Variants in ICA1 observed in about 807,000 individuals in gnomAD.
The protein encoded by ICA1 is islet cell autoantigen 1, also known as 69 kDa islet cell autoantigen.
In ICA1, 40 loss-of-function variants were observed where a neutral mutation model predicts 71.0. The observed-to-expected ratio is 0.56, with a 90% CI of 0.44 to 0.73. The LOEUF (loss-of-function observed/expected upper bound fraction) is 0.73. Among genes scored for constraint, ICA1 ranks in the 30% least tolerant of loss-of-function variants. ICA1 has a pLI of 0.00. For synonymous variants in ICA1, 207 were observed against 209.5 expected, an observed-to-expected ratio of 0.99 and a Z score of 0.10; for missense variants, 578 against 576.5, an observed-to-expected ratio of 1.00 and a Z score of -0.03.
chr7:8,189,698 C>T (rs543168677), intron 6 of ICA1, among the ~76,000 whole-genome samples: 2 of 150,884 alleles, frequency 1.3e-5, no homozygotes, highest in African/African-American at 4.9e-5. Flanking sequence ...GCCTGCAGTC[C>T]GAGGGGCAGG....
chr7:8,136,271 G>T (rs551585848), intron 12 of ICA1, among the ~76,000 whole-genome samples: 1 of 152,240 alleles, frequency 6.6e-6, no homozygotes, highest in Admixed American at 6.5e-5. Flanking sequence ...CACAGGGAGT[G>T]AACCGGCCCC....
chr7:8,190,270 C>T (rs1272969070), intron 6 of ICA1, among the ~76,000 whole-genome samples: 1 of 151,884 alleles, frequency 6.6e-6, no homozygotes, highest in Non-Finnish European at 1.5e-5. Context: ...TCCTTACTCT[C>T]CGAGTGGGCT....
At chr7:8,207,564 G>T (rs1792029707) in intron 6 of ICA1, among the ~76,000 whole-genome samples, 1 of 152,170 alleles carries the variant, frequency 6.6e-6, no homozygotes, top group African/African-American at 2.4e-5. Context: ...TTTTAAAGCT[G>T]TTTTCTGTTT....
In ICA1 at chr7:8,210,601, A is replaced by AT. The variant is rs1479987264; in HGVS notation, c.579+7703_579+7704insA. Among the ~76,000 whole-genome samples, 1,042 of 151,888 alleles carry AT rather than the reference A, an allele frequency of 6.9e-3. 17 individuals carry two copies. Among genetic ancestry groups the AT allele is most frequent in the African/African-American group, 0.023 (968 of 41,340 alleles). On this transcript the variant is annotated intron_variant, in intron 6 of 13. Transcript: ENST00000402384. The stretch of plus-strand genomic sequence containing the variant: ...AAACGCAAAATTATGCTCAAAAGAC[A>AT]ATTTTTTTTTCAAAGACTCCATCCA...
In ICA1 at chr7:8,143,974, T is replaced by G; in HGVS notation, c.805-2A>C. On this transcript the variant is annotated splice_acceptor_variant, in intron 8 of 13. Transcript: ENST00000402384. LOFTEE classifies it high-confidence loss of function. ...TTTTTTCATAGGGTCTTGTAAGCTC[T>G]TGATCACGAGCCATAGAAAAATGAA... 2.0e-6 allele frequency: 3 copies of G among 1,480,454 alleles called. No homozygotes were observed. Among genetic ancestry groups the G allele is most frequent in the Non-Finnish European group, 2.8e-6 (3 of 1,061,604 alleles). 91.7% of individuals were successfully genotyped at this position (1,480,454 alleles called of 1,614,324 possible).
At chr7:8,128,905 T>C (rs1192871868) in intron 12 of ICA1, among the ~76,000 whole-genome samples, 1 of 152,192 alleles carries the variant, frequency 6.6e-6, no homozygotes, top group Non-Finnish European at 1.5e-5. Context: ...TAAAAACCCT[T>C]AGACCCCCTT....
At chr7:8,229,472 C>T (rs1799605929) in intron 3 of ICA1, among the ~76,000 whole-genome samples, 1 of 152,118 alleles carries the variant, frequency 6.6e-6, no homozygotes, top group Admixed American at 6.6e-5. Flanking sequence ...ACTTAGGGAC[C>T]AGATATGGTA....
At position 8,234,063 on chromosome 7, in the gene ICA1, T is replaced by C. The variant is rs1231241215; in HGVS notation, c.18-1308A>G. On this transcript the variant is annotated intron_variant, in intron 2 of 13. Coordinates refer to ENST00000402384, the MANE Select transcript of ICA1 (RefSeq NM_001136020.3). The surrounding 1 kb of genome is among the most constrained non-coding windows in gnomAD (Gnocchi z 4.5). Reference sequence around the variant, plus strand: ...CATAGTAAAACCCCATCTCTACAAATAATTAGTCAGGTGTGGTGGCACAGG... The same window carrying C: ...CATAGTAAAACCCCATCTCTACAAACAATTAGTCAGGTGTGGTGGCACAGG... 2.0e-5 allele frequency among the ~76,000 whole-genome samples: 3 copies of C among 151,882 alleles called. No individual in the cohort carries two copies. Among genetic ancestry groups the C allele is most frequent in the Non-Finnish European group, 4.4e-5 (3 of 67,928 alleles).
chr7:8,218,338 T>C lies in ICA1; in HGVS notation c.546A>G (p.Pro182=). ...WMKDVSQELD[P]DLYKQMEKFR... is the part of the protein sequence containing the mutation. The stretch of plus-strand genomic sequence containing the variant: ...ACTTCTCCATTTGCTTGTAGAGGTC[T>C]GGATCAAGCTCCTGAGACACGTCCT... Residue 182 remains proline (P), a synonymous_variant, in exon 6 of 14, where the codon CCA becomes CCG. Coordinates refer to ENST00000402384, the MANE Select transcript of ICA1 (RefSeq NM_001136020.3). The C allele has an allele frequency of 1.2e-6, 2 of 1,614,170 alleles. No homozygotes were observed. The highest frequency in any genetic ancestry group is 1.7e-6 in the Non-Finnish European group (2 of 1,179,990).
chr7:8,149,747 T>C (rs762323580), intron 8 of ICA1, among the ~76,000 whole-genome samples: 3 of 152,250 alleles, frequency 2.0e-5, no homozygotes, highest in Non-Finnish European at 4.4e-5. Flanking sequence ...AATTATATTG[T>C]ATACATATGA....
chr7:8,129,367 CT>C (rs142605142), intron 12 of ICA1, among the ~76,000 whole-genome samples: 1 of 135,290 alleles, frequency 7.4e-6, no homozygotes, highest in Non-Finnish European at 1.6e-5. Flanking sequence ...TAAGTAAAGG[CT>C]TTTTTTTTAA....
chr7:8,128,953 A>G (rs957492091), intron 12 of ICA1, among the ~76,000 whole-genome samples: 2 of 152,216 alleles, frequency 1.3e-5, no homozygotes, highest in African/African-American at 4.8e-5. Context: ...TATCATGTTA[A>G]TAACGGCCAC....
chr7:8,133,020 G>A (rs1469649242), intron 12 of ICA1, among the ~76,000 whole-genome samples: 2 of 152,150 alleles, frequency 1.3e-5, no homozygotes, highest in Non-Finnish European at 2.9e-5. Flanking sequence ...TGAGAGGTGC[G>A]GCCTTTAAGA....
At chr7:8,219,787 C>T (rs1186241986) in intron 5 of ICA1, among the ~76,000 whole-genome samples, 1 of 152,218 alleles carries the variant, frequency 6.6e-6, no homozygotes, top group Non-Finnish European at 1.5e-5. Flanking sequence ...CTGATGACTT[C>T]TACTTAAAGA....
At chr7:8,221,425 C>A (rs775049299) in intron 4 of ICA1, 27 bp from the exon 5 acceptor site, 50 of 1,611,034 alleles carry the variant, frequency 3.1e-5, no homozygotes, top group Non-Finnish European at 3.9e-5. Flanking sequence ...CAAAAGGAGC[C>A]ATGAACAATG....
chr7:8,157,094 G>GT, intron 8 of ICA1, 22 bp downstream of exon 8: 2 of 1,614,156 alleles, frequency 1.2e-6, no homozygotes, highest in Non-Finnish European at 1.7e-6. Flanking sequence ...AGATTTTCTA[G>GT]TGGCCCCTCT....
At chr7:8,213,300 A>C (rs944005052) in intron 6 of ICA1, among the ~76,000 whole-genome samples, 1 of 152,186 alleles carries the variant, frequency 6.6e-6, no homozygotes, top group African/African-American at 2.4e-5. Flanking sequence ...TACCTCCTTT[A>C]TATATGAATT....
At chr7:8,186,949 C>T (rs141870788) in intron 6 of ICA1, among the ~76,000 whole-genome samples, 48 of 152,280 alleles carry the variant, frequency 3.2e-4, no homozygotes, top group African/African-American at 1.1e-3. Flanking sequence ...ATATATCAAA[C>T]ACTTAAAATT....
chr7:8,255,263 A>C (rs189607457), intron 1 of ICA1, among the ~76,000 whole-genome samples: 3 of 151,996 alleles, frequency 2.0e-5, no homozygotes, highest in African/African-American at 7.3e-5. Flanking sequence ...TCCTTTCTCC[A>C]CCAGCCCAGA....
Sources: gnomAD v4.1 joint callset for allele counts (sites outside exome capture counted in the v4.1 genomes callset) on GRCh38, gnomAD v4.1.1 for gene constraint, Gnocchi (gnomAD v3.1) non-coding constraint, MANE v1.5 for transcripts, NCBI Gene and HGNC (gene_info 2026-07-23, HGNC 2026-07-21) for gene names.